KCNJ6: variants seen among roughly 807,000 people sequenced by gnomAD.
The protein encoded by KCNJ6 is G protein-activated inward rectifier potassium channel 2.
Under a neutral mutation model 34.2 loss-of-function variants are expected in KCNJ6, and 9 were observed. That is an observed-to-expected ratio of 0.26 (90% CI 0.16 to 0.46). The LOEUF (loss-of-function observed/expected upper bound fraction) is 0.46, where lower values mean the gene tolerates loss of function less well. Among genes scored for constraint, KCNJ6 ranks in the 20% least tolerant of loss-of-function variants. KCNJ6 has a pLI of 1.00. For missense variants in KCNJ6, 236 were observed against 531.3 expected (o/e 0.44, Z 5.46); for synonymous variants, 196 against 207.1 (o/e 0.95, Z 0.46).
intron 3 of KCNJ6, among the ~76,000 whole-genome samples, chr21:37,665,126 A>C (rs1186693038): frequency 1.3e-5 from 2 of 152,118 alleles, no homozygotes; most frequent in Non-Finnish European, 2.9e-5. Context: ...TGGTTTAGTC[A>C]TTTGCCAAAT....
chr21:37,633,098 A>G (rs1038784079), intron 3 of KCNJ6, among the ~76,000 whole-genome samples: 4 of 152,286 alleles, frequency 2.6e-5, no homozygotes, highest in Admixed American at 6.5e-5. Context: ...CCTAGAAGAA[A>G]TATTAGCAAA....
intron 1 of KCNJ6, among the ~76,000 whole-genome samples, chr21:37,847,074 T>G (rs2055512700): frequency 6.6e-6 from 1 of 152,158 alleles, no homozygotes; most frequent in African/African-American, 2.4e-5. Flanking sequence ...GTTTTTTGCC[T>G]AATGAAAAAC....
At chr21:37,906,963 C>A (rs2055844684) in intron 1 of KCNJ6, among the ~76,000 whole-genome samples, 1 of 152,154 alleles carries the variant, frequency 6.6e-6, no homozygotes, top group African/African-American at 2.4e-5. Context: ...AAGGAATCTA[C>A]CCCATTCGTT....
chr21:37,714,805 G>A lies in KCNJ6; in HGVS notation c.352C>T (p.Arg118Trp), dbSNP rs972394919. ...TCCTCTATGTGGTCCATGTCTCCCCGTATGTATGCGATCAACCACCAGATC... is the reference window on the plus strand; with the variant it reads ...TCCTCTATGTGGTCCATGTCTCCCCATATGTATGCGATCAACCACCAGATC... ...GMIWWLIAYI[R>W]GDMDHIEDPS... is the part of the protein sequence containing the mutation. The change falls in exon 3 of 4, where the codon CGG becomes TGG. Residue 118 changes from arginine to tryptophan, a missense_variant. Physicochemically the swap from Arg to Trp is moderately radical, Grantham distance 101 (BLOSUM62 -3). This residue lies in a region of KCNJ6 where 68 missense variants were observed against 165.7 expected (regional missense o/e 0.41). Transcript: ENST00000609713. The surrounding 1 kb of genome is among the most constrained non-coding windows in gnomAD (Gnocchi z 5.9). The A allele has an allele frequency of 6.2e-7, 1 of 1,614,166 alleles. No homozygotes were observed. Among genetic ancestry groups the A allele is most frequent in the Non-Finnish European group, 8.5e-7 (1 of 1,180,016 alleles).
At chr21:37,884,897 T>G (rs945306156) in intron 1 of KCNJ6, among the ~76,000 whole-genome samples, 5 of 152,214 alleles carry the variant, frequency 3.3e-5, no homozygotes, top group Admixed American at 1.3e-4. Context: ...TATAAATGAC[T>G]ACCTGCCCTC....
chr21:37,779,464 C>A (rs1400759189), intron 2 of KCNJ6, among the ~76,000 whole-genome samples: 1 of 152,090 alleles, frequency 6.6e-6, no homozygotes, highest in African/African-American at 2.4e-5. Context: ...GTCAAAAGTC[C>A]AATTATTACC....
chr21:37,676,245 A>G (rs1274761797), intron 3 of KCNJ6, among the ~76,000 whole-genome samples: 1 of 152,208 alleles, frequency 6.6e-6, no homozygotes, highest in African/African-American at 2.4e-5. Flanking sequence ...GGAAGGGTAC[A>G]GGGGTCCTTT....
At chr21:37,914,008 G>GGTGTGTGGGT (rs1555855559) in intron 1 of KCNJ6, among the ~76,000 whole-genome samples, 5 of 135,584 alleles carry the variant, frequency 3.7e-5, no homozygotes, top group Middle Eastern at 3.7e-3. Context: ...GGCGGATCGG[G>GGTGTGTGGGT]GTGTGTGTGT....
chr21:37,616,590 CATATATATATATAT>C lies in KCNJ6; in HGVS notation c.*8555_*8568del. The C allele has an allele frequency of 3.2e-4, 29 of 90,978 alleles. 2 individuals carry two copies. The highest frequency in any genetic ancestry group is 1.1e-3 in the African/African-American group (25 of 21,830). The allele number at this position is 90,978 out of a possible 1,614,324, so 5.6% of individuals were successfully genotyped here. On this transcript the variant is annotated 3_prime_UTR_variant, in exon 4 of 4. Transcript: ENST00000609713. ...AATTATGAAGCAGGAACAAAATGTACATATATATATATATATATATATATATGGTTAGACTCTGA... is the reference window on the plus strand; with the variant it reads ...AATTATGAAGCAGGAACAAAATGTACATATATATATATGGTTAGACTCTGA...
At chr21:37,787,479 G>A (rs2055198020) in intron 2 of KCNJ6, among the ~76,000 whole-genome samples, 1 of 152,128 alleles carries the variant, frequency 6.6e-6, no homozygotes, top group South Asian at 2.1e-4. Context: ...GTCAAAGAAA[G>A]GCAAGAAACC....
At chr21:37,877,333 G>A (rs75234616) in intron 1 of KCNJ6, among the ~76,000 whole-genome samples, 3,538 of 152,212 alleles carry the variant, frequency 0.023, 62 homozygotes, top group Middle Eastern at 0.044. Context: ...AAATACACAG[G>A]TCAACAGTTG....
chr21:37,778,796 AC>A (rs566129581), intron 2 of KCNJ6, among the ~76,000 whole-genome samples: 5 of 149,712 alleles, frequency 3.3e-5, no homozygotes, highest in South Asian at 2.1e-4. Flanking sequence ...CAGCATGTGT[AC>A]CCCCCACTTA....
At chr21:37,669,323 C>G (rs531661955) in intron 3 of KCNJ6, among the ~76,000 whole-genome samples, 2 of 152,240 alleles carry the variant, frequency 1.3e-5, no homozygotes, top group Middle Eastern at 3.4e-3. Context: ...AAGCCGTAAC[C>G]CAGTCACCTT....
At chr21:37,640,356 C>T (rs2054375563) in intron 3 of KCNJ6, among the ~76,000 whole-genome samples, 1 of 152,226 alleles carries the variant, frequency 6.6e-6, no homozygotes, top group Admixed American at 6.5e-5. Context: ...CTCACTTCCT[C>T]ATCAGTCACA....
At chr21:37,731,587 C>T (rs858028) in intron 2 of KCNJ6, among the ~76,000 whole-genome samples, 55,262 of 151,954 alleles carry the variant, frequency 0.36, 10,909 homozygotes, top group Admixed American at 0.46. Context: ...GCTACCTTGC[C>T]CAAGGTTACA....
At chr21:37,642,708 G>T (rs1438978174) in intron 3 of KCNJ6, among the ~76,000 whole-genome samples, 3 of 152,140 alleles carry the variant, frequency 2.0e-5, no homozygotes, top group Non-Finnish European at 4.4e-5. Flanking sequence ...GGCTCTGTTT[G>T]AGTGGGTGTG....
intron 2 of KCNJ6, among the ~76,000 whole-genome samples, chr21:37,735,849 G>C (rs1297208248): frequency 1.3e-5 from 2 of 152,200 alleles, no homozygotes; most frequent in Non-Finnish European, 2.9e-5. Flanking sequence ...ATTATTAGGG[G>C]AGAAAGAAAC....
rs148418714 is a variant in KCNJ6, at chr21:37,786,172, G to A, written c.25+54486C>T. Among the ~76,000 whole-genome samples the A allele has an allele frequency of 2.7e-3, 412 of 152,336 alleles. 3 individuals are homozygous for A. Among genetic ancestry groups the A allele is most frequent in the Middle Eastern group, 0.01 (3 of 294 alleles). ...AGTTGGTGTTGACACAGAACATGAAGCCTCTTTGCCCTCCTGGTGATATGA... is the reference window on the plus strand; with the variant it reads ...AGTTGGTGTTGACACAGAACATGAAACCTCTTTGCCCTCCTGGTGATATGA... On this transcript the variant is annotated intron_variant, in intron 2 of 3. Coordinates refer to ENST00000609713, the MANE Select transcript of KCNJ6 (RefSeq NM_002240.5).
intron 1 of KCNJ6, among the ~76,000 whole-genome samples, chr21:37,908,980 T>C (rs1354208310): frequency 6.6e-6 from 1 of 152,220 alleles, no homozygotes; most frequent in East Asian, 1.9e-4. Context: ...TGCAGTTAGG[T>C]ATGACCATAG....
Sources: allele counts gnomAD v4.1 joint callset (sites outside exome capture counted in the v4.1 genomes callset), GRCh38; gene constraint gnomAD v4.1.1; regional missense constraint gnomAD v4.1.1; non-coding constraint Gnocchi (gnomAD v3.1); transcripts MANE v1.5; gene names NCBI Gene and HGNC (gene_info 2026-07-23, HGNC 2026-07-21).